The following AQR variants were observed in gnomAD, a reference collection of about 807,000 sequenced individuals.
AQR encodes RNA helicase aquarius.
A neutral mutation model predicts 180.5 loss-of-function variants in AQR; 61 were observed. The observed-to-expected ratio is 0.34, with a 90% confidence interval of 0.28 to 0.42. The LOEUF (loss-of-function observed/expected upper bound fraction) is 0.42. Ranked by LOEUF, AQR falls within the 10% of genes least tolerant of loss-of-function variation. The pLI is 1.00. For missense variants in AQR, 1,281 were observed against 1,798.3 expected (o/e 0.71, Z 5.20); for synonymous variants, 551 against 588.8 (o/e 0.94, Z 0.93).
chr15:34,949,015 G>A (rs370961247), intron 4 of AQR, among the ~76,000 whole-genome samples: 1 of 151,264 alleles, frequency 6.6e-6, no homozygotes, highest in Non-Finnish European at 1.5e-5. Context: ...TTTTTGAGAC[G>A]GAGTTTTGCT....
In AQR at chr15:34,900,786, A is replaced by G. The variant is rs1893319999; in HGVS notation, c.2079T>C (p.Gly693=). The change falls in exon 20 of 35, where the codon GGT becomes GGC. Residue 693 remains glycine (G), a synonymous_variant. Transcript: ENST00000156471. The stretch of plus-strand genomic sequence containing the variant: ...AATGTGCACTACTTGGGTCCCCATA[A>G]CCTAAAATGATATCGTGCAGCCAGT... The part of the protein sequence containing the change: ...VPDWLHDIIL[G]YGDPSSAHYS... 1 of 1,614,180 alleles carries G rather than the reference A, an allele frequency of 6.2e-7. No individual in the cohort carries two copies. The highest frequency in any genetic ancestry group is 8.5e-7 in the Non-Finnish European group (1 of 1,180,016).
At chr15:34,891,226 A>C (rs754762614) in intron 23 of AQR, among the ~76,000 whole-genome samples, 4 of 152,152 alleles carry the variant, frequency 2.6e-5, no homozygotes, top group Non-Finnish European at 5.9e-5. Context: ...TCATCATCCA[A>C]AACTCAGTAC....
At chr15:34,857,697 G>A (rs1181316591) in intron 34 of AQR, among the ~76,000 whole-genome samples, 1 of 152,142 alleles carries the variant, frequency 6.6e-6, no homozygotes, top group East Asian at 1.9e-4. Context: ...GTTGCAGTGA[G>A]TTGAGATTGT....
chr15:34,867,510 T>C lies in AQR; in HGVS notation c.3854+14A>G. 1 of 1,606,412 alleles carries C rather than the reference T, an allele frequency of 6.2e-7. No homozygotes were observed. Among genetic ancestry groups the C allele is most frequent in the East Asian group, 2.2e-5 (1 of 44,746 alleles). ...AAAGTTCAATAAATATTATGAAAGT[T>C]TTTTCCTACGTACCTCAGATGGCCC... On this transcript the variant is annotated intron_variant, in intron 32 of 34. Coordinates refer to ENST00000156471, the MANE Select transcript of AQR (RefSeq NM_014691.3).
At position 34,890,196 on chromosome 15, in the gene AQR, C is replaced by T. The variant is rs758849411; in HGVS notation, c.2681+19G>A. ...TAAAAAATCCTTTTTTACACTGTTA[C>T]TCACTCCCATTTGCTCACCTGCTGA... On this transcript the variant is annotated intron_variant, in intron 24 of 34. Coordinates refer to ENST00000156471, the MANE Select transcript of AQR (RefSeq NM_014691.3). 13 of 1,592,196 alleles carry T rather than the reference C, an allele frequency of 8.2e-6. No homozygotes were observed. Among genetic ancestry groups the T allele is most frequent in the East Asian group, 2.2e-5 (1 of 44,642 alleles).
Position 34,906,608 on chromosome 15 carries a change from C to T in AQR, c.1768G>A (p.Val590Ile), listed in dbSNP as rs751968564. Residue 590 changes from valine (V) to isoleucine (I), a missense_variant, in exon 18 of 35, where the codon GTT becomes ATT. Coordinates refer to ENST00000156471, the MANE Select transcript of AQR (RefSeq NM_014691.3). ...TGAATTTCACAGCCTCTGACATAAA[C>T]CAGGCCAACCTGCTCAATAAAAGGT... ...RRPFIEQVGL[V>I]YVRGCEIQGM... 4.1e-5 allele frequency: 66 copies of T among 1,614,084 alleles called. No homozygotes were observed. In the East Asian group the frequency reaches 1.3e-3, roughly 32 times the overall value.
At chr15:34,880,016 C>G (rs1365759384) in intron 27 of AQR, among the ~76,000 whole-genome samples, 1 of 152,134 alleles carries the variant, frequency 6.6e-6, no homozygotes. Flanking sequence ...AATTTCAGAA[C>G]TCTAGGGACA....
chr15:34,870,663 A>G (rs530087178), intron 31 of AQR, 89 bp downstream of exon 31: 29 of 1,094,304 alleles, frequency 2.7e-5, no homozygotes, highest in Non-Finnish European at 3.4e-5. Context: ...TCTTAAAAAG[A>G]GATAGCAAAG....
intron 23 of AQR, 64 bp downstream of exon 23, chr15:34,893,599 G>A (rs1252301161): frequency 1.6e-5 from 22 of 1,361,182 alleles, no homozygotes; most frequent in Middle Eastern, 3.8e-4. Context: ...ATGTGCATGC[G>A]CATGCGTGCA....
chr15:34,955,729 G>A (rs566096703), intron 3 of AQR, among the ~76,000 whole-genome samples: 1 of 152,168 alleles, frequency 6.6e-6, no homozygotes, highest in East Asian at 1.9e-4. Context: ...CCAACATGGC[G>A]AAACCCCGTC....
At position 34,893,647 on chromosome 15, in the gene AQR, ACACACAGT is replaced by A. The variant is rs1320388799; in HGVS notation, c.2571+8_2571+15del. 6.3e-7 allele frequency: 1 copy of A among 1,585,784 alleles called. No homozygotes were observed. On this transcript the variant is annotated splice_region_variant and intron_variant, in intron 23 of 34. Transcript: ENST00000156471. ...CACACACACACACACACACACACAC[ACACACAGT>A]CATTTACCTGATTGGAATGAGTAAC...
rs371294202 is a variant in AQR at position 34,896,890 on chromosome 15, C to A, written c.2460+7G>T. The A allele has an allele frequency of 3.1e-6, 5 of 1,606,276 alleles. No homozygotes were observed. In the African/African-American group the frequency reaches 4.0e-5, roughly 13 times the overall value. On this transcript the variant is annotated splice_region_variant and intron_variant, in intron 22 of 34. Coordinates refer to ENST00000156471, the MANE Select transcript of AQR (RefSeq NM_014691.3). ...AAACAAACAAACAGGTGTAACAATT[C>A]TCTTACCATAGTCAGCCCAGGCTGC...
rs771275918 is a variant in AQR at position 34,855,747 on chromosome 15, T to C, written c.*1045A>G. The stretch of plus-strand genomic sequence containing the variant: ...TGTTGCAATGTAGATTTAGATTTAA[T>C]AGGTTTGGAGCAGAGCCCAAACTTC... On this transcript the variant is annotated 3_prime_UTR_variant, in exon 35 of 35. Coordinates refer to ENST00000156471, the MANE Select transcript of AQR (RefSeq NM_014691.3). The C allele has an allele frequency of 2.6e-5, 4 of 152,174 alleles. No individual in the cohort carries two copies. Among genetic ancestry groups the C allele is most frequent in the South Asian group, 2.1e-4 (1 of 4,832 alleles). The allele number at this position is 152,174 out of a possible 1,614,324, so 9.4% of individuals were successfully genotyped here.
At position 34,852,848 on chromosome 15, in the gene AQR, G is replaced by C. The variant is rs7170646; in HGVS notation, c.*3944C>G. 0.72 allele frequency: 109,686 copies of C among 152,116 alleles called. 39,895 individuals are homozygous for C. The highest frequency in any genetic ancestry group is 0.8 in the Middle Eastern group (235 of 294). The allele number at this position is 152,116 out of a possible 1,614,324, so 9.4% of individuals were successfully genotyped here. On this transcript the variant is annotated 3_prime_UTR_variant, in exon 35 of 35. Transcript: ENST00000156471. ...TTTGTACATAAGGTCAAAATGTCAG[G>C]CAGCCCTGAAATAAACGCAAGCCAA... is the stretch of plus-strand genomic sequence containing the variant.
At position 34,932,228 on chromosome 15, in the gene AQR, G is replaced by C. The variant is rs966146630; in HGVS notation, c.900+90C>G. 5 of 1,080,240 alleles carry C rather than the reference G, an allele frequency of 4.6e-6. No homozygotes were observed. The African/African-American group carries it at 7.9e-5, about 17-fold the overall frequency. The allele number at this position is 1,080,240 out of a possible 1,614,324, so 66.9% of individuals were successfully genotyped here. A position where few individuals can be genotyped will look rare whatever the true frequency, so the allele number is the denominator to read the frequency against. On this transcript the variant is annotated intron_variant, in intron 11 of 34. Coordinates refer to ENST00000156471, the MANE Select transcript of AQR (RefSeq NM_014691.3). ...GACTTTAAAATAACTAGGAGTTTGT[G>C]TTATGCCCTGATACTCCCAGTTGTG...
Position 34,910,310 on chromosome 15 carries a change from T to A in AQR, c.1488A>T (p.Gln496His). ...EDSVSRMKPW[Q>H]SEYGGVVFGG... ...CAAACACTACACCGCCATATTCAGA[T>A]TGCCTGAAACCAAAGAAATGGATGA... is the stretch of plus-strand genomic sequence containing the variant. Residue 496 changes from glutamine to histidine, a missense_variant, in exon 17 of 35, where the codon CAA becomes CAT. Gln to His is a conservative substitution (Grantham distance 24). Transcript: ENST00000156471. 1 of 1,612,762 alleles carries A rather than the reference T, an allele frequency of 6.2e-7. No individual in the cohort carries two copies.
chr15:34,894,919 C>A (rs1410205307), intron 22 of AQR, among the ~76,000 whole-genome samples: 2 of 151,458 alleles, frequency 1.3e-5, no homozygotes, highest in African/African-American at 4.9e-5. Flanking sequence ...AATCTCAGCA[C>A]TTTGGGAGGC....
At chr15:34,945,846 A>G (rs1894104107) in intron 5 of AQR, among the ~76,000 whole-genome samples, 1 of 152,208 alleles carries the variant, frequency 6.6e-6, no homozygotes, top group African/African-American at 2.4e-5. Context: ...TGATGAAGTG[A>G]CCATTATATG....
intron 13 of AQR, among the ~76,000 whole-genome samples, chr15:34,921,784 T>C (rs879666627): frequency 1.3e-5 from 2 of 151,934 alleles, no homozygotes; most frequent in Non-Finnish European, 2.9e-5. Flanking sequence ...GGAGGTCAAA[T>C]AAATGGAATC....
Sources: allele counts gnomAD v4.1 joint callset (sites outside exome capture counted in the v4.1 genomes callset), GRCh38; gene constraint gnomAD v4.1.1; transcripts MANE v1.5; gene names NCBI Gene and HGNC (gene_info 2026-07-23, HGNC 2026-07-21).